Variants in ELP6 observed in about 807,000 individuals in gnomAD.
ELP6 encodes the protein elongator acetyltransferase complex subunit 6, also known as elongator complex protein 6.
A neutral mutation model predicts 28.1 loss-of-function variants in ELP6; 23 were observed. The observed-to-expected ratio is 0.82, with a 90% confidence interval of 0.59 to 1.16. The LOEUF (loss-of-function observed/expected upper bound fraction) is 1.16, where lower values mean the gene tolerates loss of function less well. ELP6 is among the 50% of genes most tolerant of loss of function. The pLI is 0.00. For synonymous variants in ELP6, 132 were observed against 135.8 expected, an observed-to-expected ratio of 0.97 and a Z score of 0.19; for missense variants, 313 against 334.6, an observed-to-expected ratio of 0.94 and a Z score of 0.50.
chr3:47,511,670 T>C (rs973037760), intron 1 of ELP6: 4 of 604,290 alleles, frequency 6.6e-6, no homozygotes, highest in South Asian at 6.0e-5. Context: ...AATTCTATTC[T>C]GTAGGGTGAG....
At chr3:47,505,428 A>G (rs928930492) in intron 3 of ELP6, among the ~76,000 whole-genome samples, 1 of 151,922 alleles carries the variant, frequency 6.6e-6, no homozygotes, top group Non-Finnish European at 1.5e-5. Flanking sequence ...TTTTTGAGAC[A>G]GTCTCTCACT....
At chr3:47,512,963 C>T (rs2029906491) in intron 1 of ELP6, 1 of 985,872 alleles carries the variant, frequency 1.0e-6, no homozygotes, top group African/African-American at 1.8e-5. Context: ...TATAACCCAA[C>T]CCCACTGTCG....
At chr3:47,508,258 T>A (rs1440643699) in intron 3 of ELP6, among the ~76,000 whole-genome samples, 1 of 152,218 alleles carries the variant, frequency 6.6e-6, no homozygotes, top group Admixed American at 6.5e-5. Flanking sequence ...TGTATGTATT[T>A]ATTGAGATGG....
In ELP6 at chr3:47,511,174, T is replaced by G; in HGVS notation, c.107A>C (p.His36Pro). 3.1e-6 allele frequency: 5 copies of G among 1,614,022 alleles called. No individual in the cohort carries two copies. Among genetic ancestry groups the G allele is most frequent in the Non-Finnish European group, 4.2e-6 (5 of 1,179,944 alleles). The change falls in exon 2 of 7, where the codon CAC becomes CCC. Residue 36 changes from histidine (H) to proline (P), a missense_variant. His to Pro is a moderately conservative substitution (Grantham distance 77, BLOSUM62 -2). Coordinates refer to ENST00000296149, the MANE Select transcript of ELP6 (RefSeq NM_001031703.3). ...TTTGAGATAGAAGGAGAGAAAGTGG[T>G]GTACAAGGAAACTCCCATCTGTCTT... ...DAKTDGSFLV[H>P]HFLSFYLKAN...
intron 1 of ELP6, chr3:47,513,092 G>T: frequency 1.1e-6 from 1 of 892,740 alleles, no homozygotes; most frequent in Non-Finnish European, 1.3e-6. Context: ...CCGGGTTCAA[G>T]CAATTCTCCT....
At chr3:47,508,065 T>C (rs542328828) in intron 3 of ELP6, among the ~76,000 whole-genome samples, 59 of 152,328 alleles carry the variant, frequency 3.9e-4, no homozygotes, top group African/African-American at 1.3e-3. Context: ...ATCCTGACTG[T>C]TCTCCCTGGG....
intron 6 of ELP6, chr3:47,497,927 T>TC: frequency 1.0e-6 from 1 of 982,552 alleles, no homozygotes; most frequent in Non-Finnish European, 1.2e-6. Flanking sequence ...CAAGACTCCG[T>TC]CTAAAAAAAA....
At chr3:47,508,282 C>T (rs1259128190) in intron 3 of ELP6, among the ~76,000 whole-genome samples, 7 of 152,134 alleles carry the variant, frequency 4.6e-5, no homozygotes, top group African/African-American at 9.7e-5. Flanking sequence ...CTTGCTCTTT[C>T]GCCAAGGCTG....
At chr3:47,501,439 C>T (rs1708646115) in intron 5 of ELP6, 1 of 579,262 alleles carries the variant, frequency 1.7e-6, no homozygotes, top group South Asian at 2.0e-5. Flanking sequence ...CCACTGAATG[C>T]AATGTTGATC....
Position 47,513,431 on chromosome 3 carries a change from G to A in ELP6, c.54+106C>T, listed in dbSNP as rs965189516. On this transcript the variant is annotated intron_variant, in intron 1 of 6. Coordinates refer to ENST00000296149, the MANE Select transcript of ELP6 (RefSeq NM_001031703.3). ...GGACTACAACTCCCAGGTACCCCGT[G>A]CCGGGTCGTCGCGCCATTCCCCGGG... 15 of 1,532,798 alleles carry A rather than the reference G, an allele frequency of 9.8e-6. No homozygotes were observed. The South Asian group carries it at 1.1e-4, about 11-fold the overall frequency. The allele number at this position is 1,532,798 out of a possible 1,614,324, so 94.9% of individuals were successfully genotyped here. A position where few individuals can be genotyped will look rare whatever the true frequency, so the allele number is the denominator to read the frequency against.
chr3:47,498,513 C>G, intron 5 of ELP6, 81 bp from the exon 6 acceptor site: 1 of 1,567,560 alleles, frequency 6.4e-7, no homozygotes. Flanking sequence ...CTCGTTGCCT[C>G]CACTCCCCTG....
intron 5 of ELP6, chr3:47,501,436 A>C: frequency 1.7e-6 from 1 of 576,910 alleles, no homozygotes; most frequent in Non-Finnish European, 3.1e-6. Context: ...GCCCCACTGA[A>C]TGCAATGTTG....
intron 6 of ELP6, chr3:47,497,461 C>G (rs59295949): frequency 3.0e-5 from 14 of 463,776 alleles, no homozygotes; most frequent in Non-Finnish European, 4.0e-5. Context: ...CTCAGCCTCC[C>G]GAGTAGCTGG....
At chr3:47,505,757 A>G (rs2108108615) in intron 3 of ELP6, among the ~76,000 whole-genome samples, 1 of 152,228 alleles carries the variant, frequency 6.6e-6, no homozygotes, top group African/African-American at 2.4e-5. Context: ...TTTTTAGTAG[A>G]GATGGGGTTT....
intron 4 of ELP6, among the ~76,000 whole-genome samples, 180 bp from the exon 5 acceptor site, chr3:47,502,031 A>AT (rs545560260): frequency 5.3e-5 from 8 of 152,128 alleles, no homozygotes; most frequent in Non-Finnish European, 8.8e-5. Context: ...AGTAATTCAA[A>AT]TATTTCCTGA....
At chr3:47,501,881 T>A in intron 4 of ELP6, 30 bp from the exon 5 acceptor site, 6 of 1,593,812 alleles carry the variant, frequency 3.8e-6, no homozygotes, top group Non-Finnish European at 5.1e-6. Context: ...GTTACCAGAC[T>A]TCACTCTCTC....
chr3:47,511,292 C>A, intron 1 of ELP6, 66 bp from the exon 2 acceptor site: 2 of 1,568,192 alleles, frequency 1.3e-6, no homozygotes, highest in Admixed American at 3.5e-5. Flanking sequence ...GTGCAGAAAT[C>A]TAGTCAATTG....
Position 47,510,176 on chromosome 3 carries a change from A to G in ELP6, c.204+8T>C, listed in dbSNP as rs1708973076. 2 of 1,612,180 alleles carry G rather than the reference A, an allele frequency of 1.2e-6. No individual in the cohort carries two copies. The highest frequency in any genetic ancestry group is 1.7e-5 in the Admixed American group (1 of 59,988). On this transcript the variant is annotated splice_region_variant and intron_variant, in intron 3 of 6. Transcript: ENST00000296149. ...AGGGACCTCATCATGGAGCTCCAAA[A>G]TATTTACCAGCTTCTGTCCCACGAT...
At chr3:47,509,769 ATTTCT>A (rs1708959082) in intron 3 of ELP6, among the ~76,000 whole-genome samples, 1 of 149,502 alleles carries the variant, frequency 6.7e-6, no homozygotes, top group African/African-American at 2.5e-5. Flanking sequence ...GGATCCCAAG[ATTTCT>A]TTTTTTTTTT....
Sources: gnomAD v4.1 joint callset for allele counts (sites outside exome capture counted in the v4.1 genomes callset) on GRCh38, gnomAD v4.1.1 for gene constraint, MANE v1.5 for transcripts, NCBI Gene and HGNC (gene_info 2026-07-23, HGNC 2026-07-21) for gene names.